SLC35B4: variants seen among roughly 807,000 people sequenced by gnomAD.
SLC35B4 encodes the protein nucleotide sugar transporter SLC35B4.
Under a neutral mutation model 39.5 loss-of-function variants are expected in SLC35B4, and 28 were observed. The ratio of observed to expected loss-of-function variants is 0.71; its 90% confidence interval spans 0.53 to 0.97. SLC35B4 has a LOEUF of 0.97. Ranked by LOEUF, SLC35B4 falls within the 50% of genes least tolerant of loss-of-function variation. SLC35B4 has a pLI of 0.00. For missense variants in SLC35B4, 334 were observed against 414.3 expected (o/e 0.81, Z 1.68); for synonymous variants, 145 against 150.4 (o/e 0.96, Z 0.26).
At chr7:134,301,148 C>A (rs534980792) in intron 6 of SLC35B4, among the ~76,000 whole-genome samples, 1 of 152,222 alleles carries the variant, frequency 6.6e-6, no homozygotes, top group East Asian at 1.9e-4. Flanking sequence ...ACTGCTATTT[C>A]TCTTCCAATT....
intron 1 of SLC35B4, among the ~76,000 whole-genome samples, chr7:134,309,766 T>A (rs1803792627): frequency 6.6e-6 from 1 of 152,252 alleles, no homozygotes; most frequent in Non-Finnish European, 1.5e-5. Flanking sequence ...GCTTTCCTAG[T>A]AAACTGCAGG....
At chr7:134,306,304 T>C (rs1442331832) in intron 3 of SLC35B4, among the ~76,000 whole-genome samples, 1 of 151,128 alleles carries the variant, frequency 6.6e-6, no homozygotes, top group Non-Finnish European at 1.5e-5. Context: ...TTTCATGTTC[T>C]AGAAGTAAAT....
At chr7:134,301,679 G>T in intron 6 of SLC35B4, 82 bp downstream of exon 6, 2 of 1,309,778 alleles carry the variant, frequency 1.5e-6, no homozygotes, top group Middle Eastern at 1.8e-4. Context: ...GAAGCTTCTT[G>T]CCAAGAAACA....
Position 134,316,480 on chromosome 7 carries a change from T to C in SLC35B4, c.77+195A>G, listed in dbSNP as rs541826428. 1.4e-4 allele frequency among the ~76,000 whole-genome samples: 21 copies of C among 152,348 alleles called. No individual in the cohort carries two copies. In the East Asian group the frequency reaches 3.7e-3, roughly 27 times the overall value. On this transcript the variant is annotated intron_variant, in intron 1 of 9. Coordinates refer to ENST00000378509, the MANE Select transcript of SLC35B4 (RefSeq NM_032826.5). ...GCGGGACTGCCGCCGGTGCGCAGTT[T>C]TGGGAAGCAGCGGACTCAGCGGGGT...
rs1462808255 is a variant in SLC35B4 at position 134,295,187 on chromosome 7, T to C, written c.750-108A>G. On this transcript the variant is annotated intron_variant, in intron 9 of 9. Transcript: ENST00000378509. ...TAACTTCTCATATTCTAAGAAAACA[T>C]GAAGGTCCGCTACGGCAGCTCTGAG... 8 of 1,426,862 alleles carry C rather than the reference T, an allele frequency of 5.6e-6. No individual in the cohort carries two copies. The Admixed American group carries it at 7.9e-5, about 14-fold the overall frequency. The allele number at this position is 1,426,862 out of a possible 1,614,324, so 88.4% of individuals were successfully genotyped here. A position where few individuals can be genotyped will look rare whatever the true frequency, so the allele number is the denominator to read the frequency against.
At chr7:134,302,736 G>C (rs1394771999) in intron 4 of SLC35B4, among the ~76,000 whole-genome samples, 2 of 152,140 alleles carry the variant, frequency 1.3e-5, no homozygotes, top group African/African-American at 4.8e-5. Context: ...CACCCTCTCA[G>C]ATTTTTGGTG....
intron 1 of SLC35B4, among the ~76,000 whole-genome samples, chr7:134,310,230 A>T (rs1803803333): frequency 6.6e-6 from 1 of 152,166 alleles, no homozygotes; most frequent in African/African-American, 2.4e-5. Context: ...TGAATATATT[A>T]GGCACTCAAA....
At chr7:134,315,931 T>C (rs1803961301) in intron 1 of SLC35B4, among the ~76,000 whole-genome samples, 1 of 151,866 alleles carries the variant, frequency 6.6e-6, no homozygotes, top group Non-Finnish European at 1.5e-5. Context: ...CCACTGAACT[T>C]TGCACATTCA....
upstream of SLC35B4, among the ~76,000 whole-genome samples, chr7:134,317,528 T>C (rs1804015225): frequency 6.6e-6 from 1 of 152,214 alleles, no homozygotes; most frequent in Admixed American, 6.5e-5. Flanking sequence ...ATCCTAGCTC[T>C]TTAAGGTACT....
Position 134,296,325 on chromosome 7 carries a change from A to C in SLC35B4, c.749+66T>G, listed in dbSNP as rs190820372. 10,302 of 1,348,606 alleles carry C rather than the reference A, an allele frequency of 7.6e-3. 60 individuals are homozygous for C. Among genetic ancestry groups the C allele is most frequent in the Non-Finnish European group, 9.1e-3 (8,651 of 946,770 alleles). 83.5% of individuals were successfully genotyped at this position (1,348,606 alleles called of 1,614,324 possible). Reference sequence around the variant, plus strand: ...GTCAACACACTGTTAGAAGAAAAGAATGACCATTCCTGTGCCAAAAGAACC... The same window carrying C: ...GTCAACACACTGTTAGAAGAAAAGACTGACCATTCCTGTGCCAAAAGAACC... On this transcript the variant is annotated intron_variant, in intron 9 of 9. Transcript: ENST00000378509.
intron 2 of SLC35B4, among the ~76,000 whole-genome samples, chr7:134,309,027 C>T (rs1803773726): frequency 1.3e-5 from 2 of 152,082 alleles, no homozygotes; most frequent in South Asian, 4.1e-4. Flanking sequence ...AAGGATACTC[C>T]CCTTTTAGAA....
At position 134,299,541 on chromosome 7, in the gene SLC35B4, C is replaced by G. The variant is rs1345205074; in HGVS notation, c.655G>C (p.Val219Leu). 6.2e-7 allele frequency: 1 copy of G among 1,613,854 alleles called. No individual in the cohort carries two copies. The highest frequency in any genetic ancestry group is 8.5e-7 in the Non-Finnish European group (1 of 1,179,816). Residue 219 changes from valine (V) to leucine (L), a missense_variant, in exon 8 of 10, where the codon GTT (valine) becomes CTT (leucine). Physicochemically the swap from Val to Leu is conservative, Grantham distance 32. Coordinates refer to ENST00000378509, the MANE Select transcript of SLC35B4 (RefSeq NM_032826.5). ...FLASDIYDHA[V>L]LFNKSELYEI... ...AACTCACCAGACTTATTGAATAGAA[C>G]TGCATGGTCATAAATATCAGAAGCC... is the stretch of plus-strand genomic sequence containing the variant.
intron 8 of SLC35B4, among the ~76,000 whole-genome samples, chr7:134,298,144 C>A (rs184795253): frequency 6.6e-6 from 1 of 152,116 alleles, no homozygotes; most frequent in African/African-American, 2.4e-5. Flanking sequence ...TACATACACA[C>A]GCATACACAT....
intron 1 of SLC35B4, 32 bp from the exon 2 acceptor site, chr7:134,309,511 G>A (rs773135385): frequency 6.7e-7 from 1 of 1,503,364 alleles, no homozygotes; most frequent in Non-Finnish European, 9.1e-7. Context: ...AGGGGGTGAA[G>A]GCACAAAAAC....
chr7:134,306,241 T>G (rs1803706294), intron 3 of SLC35B4, among the ~76,000 whole-genome samples: 1 of 144,222 alleles, frequency 6.9e-6, no homozygotes, highest in Non-Finnish European at 1.5e-5. Context: ...CCCTTTATTA[T>G]CTCAAGTCTC....
intron 8 of SLC35B4, among the ~76,000 whole-genome samples, chr7:134,298,852 A>G (rs1803522062): frequency 6.6e-6 from 1 of 152,236 alleles, no homozygotes; most frequent in African/African-American, 2.4e-5. Context: ...CTTGATTTTA[A>G]AAACGTTTAT....
rs1378340523 is a variant in SLC35B4 at position 134,292,835 on chromosome 7, A to G, written c.*1998T>C. 1 of 152,232 alleles carries G rather than the reference A, an allele frequency of 6.6e-6. No individual in the cohort carries two copies. Among genetic ancestry groups the G allele is most frequent in the Non-Finnish European group, 1.5e-5 (1 of 68,046 alleles). 9.4% of individuals were successfully genotyped at this position (152,232 alleles called of 1,614,324 possible). On this transcript the variant is annotated 3_prime_UTR_variant, in exon 10 of 10. Coordinates refer to ENST00000378509, the MANE Select transcript of SLC35B4 (RefSeq NM_032826.5). Reference sequence around the variant, plus strand: ...TCACTTCTAATTCAGCATCCTTCAGAAGAGCCCATTACTGGCTCTAGAAAG... The same window carrying G: ...TCACTTCTAATTCAGCATCCTTCAGGAGAGCCCATTACTGGCTCTAGAAAG...
At chr7:134,308,151 G>A (rs1046722965) in intron 2 of SLC35B4, among the ~76,000 whole-genome samples, 2 of 152,224 alleles carry the variant, frequency 1.3e-5, no homozygotes, top group African/African-American at 2.4e-5. Flanking sequence ...CAAGATCACA[G>A]AGACCCTCAA....
At chr7:134,302,262 A>T in intron 4 of SLC35B4, 152 bp from the exon 5 acceptor site, 2 of 650,998 alleles carry the variant, frequency 3.1e-6, no homozygotes, top group South Asian at 4.0e-5. Flanking sequence ...AGAAGTATGC[A>T]TATGAATGAA....
Sources: allele counts gnomAD v4.1 joint callset (sites outside exome capture counted in the v4.1 genomes callset), GRCh38; gene constraint gnomAD v4.1.1; transcripts MANE v1.5; gene names NCBI Gene and HGNC (gene_info 2026-07-23, HGNC 2026-07-21).